Variants in TENM2 observed in about 807,000 individuals in gnomAD.
TENM2 encodes the protein teneurin transmembrane protein 2, also known as teneurin-2.
In TENM2, 52 loss-of-function variants were observed where a neutral mutation model predicts 245.2. The ratio of observed to expected loss-of-function variants is 0.21; its 90% confidence interval spans 0.17 to 0.27. TENM2 has a LOEUF of 0.27. Among genes scored for constraint, TENM2 ranks in the 10% least tolerant of loss-of-function variants. The probability of loss-of-function intolerance (pLI) is 1.00; values close to 1 mark genes in which losing one functional copy is unlikely to be tolerated. For missense variants in TENM2, 3,046 were observed against 3,666.8 expected, an observed-to-expected ratio of 0.83 and a Z score of 4.37; for synonymous variants, 1,363 against 1,438.9, an observed-to-expected ratio of 0.95 and a Z score of 1.19.
intron 2 of TENM2, among the ~76,000 whole-genome samples, chr5:167,505,371 A>G (rs1582231483): frequency 6.6e-6 from 1 of 152,304 alleles, no homozygotes; most frequent in South Asian, 2.1e-4. Flanking sequence ...GAGGCTTCAC[A>G]CAAGAGCAGA....
At chr5:167,149,775 G>A in the TENM2 span, among the ~76,000 whole-genome samples, 1 of 152,112 alleles carries the variant, frequency 6.6e-6, no homozygotes, top group Non-Finnish European at 1.5e-5. Context: ...CCAGACTGCA[G>A]CATCCTCATT....
chr5:167,836,785 C>T lies in TENM2; in HGVS notation c.503-39201C>T, dbSNP rs115199494. On this transcript the variant is annotated intron_variant, in intron 2 of 28. Coordinates refer to ENST00000518659, the Ensembl canonical transcript of TENM2. ...TCAATATATGTGTGTATATACCCAA[C>T]TCAGAAAAAAATGATCATAAAGTGC... Among the ~76,000 whole-genome samples, 541 of 144,790 alleles carry T rather than the reference C, an allele frequency of 3.7e-3. 2 individuals are homozygous for T. The highest frequency in any genetic ancestry group is 0.012 in the African/African-American group (505 of 41,326). 95.0% of individuals were successfully genotyped at this position (144,790 alleles called of 152,430 possible).
At chr5:167,805,579 C>G (rs963345408) in intron 2 of TENM2, among the ~76,000 whole-genome samples, 6 of 152,088 alleles carry the variant, frequency 3.9e-5, no homozygotes, top group Admixed American at 2.6e-4. Flanking sequence ...TGAGGTCAAC[C>G]ATGATGAAAC....
At chr5:167,319,572 C>A (rs1756592145) in intron 1 of TENM2, among the ~76,000 whole-genome samples, 1 of 152,146 alleles carries the variant, frequency 6.6e-6, no homozygotes, top group East Asian at 1.9e-4. Context: ...TTTCGTTTAC[C>A]CTCCTTATTG....
At chr5:168,228,102 A>G (rs777288133) in exon 25 of TENM2, 3 of 1,613,612 alleles carry the variant, frequency 1.9e-6, no homozygotes, top group Non-Finnish European at 1.7e-6. Flanking sequence ...ATTAAAGGCA[A>G]AGTCACCATC....
chr5:168,091,055 T>C (rs1792899042), intron 8 of TENM2, among the ~76,000 whole-genome samples: 1 of 152,168 alleles, frequency 6.6e-6, no homozygotes, highest in South Asian at 2.1e-4. Flanking sequence ...TCACTTGACT[T>C]TGATAAGCCT....
intron 12 of TENM2, among the ~76,000 whole-genome samples, chr5:168,147,937 A>G (rs1164826030): frequency 6.6e-6 from 1 of 152,236 alleles, no homozygotes; most frequent in East Asian, 1.9e-4. Context: ...ACATGTACCA[A>G]GTAAAGACAG....
chr5:167,674,755 G>A (rs1011624835), intron 2 of TENM2, among the ~76,000 whole-genome samples: 2 of 152,040 alleles, frequency 1.3e-5, no homozygotes, highest in East Asian at 1.9e-4. Context: ...GTAACTGTAC[G>A]TGAACTTTTA....
chr5:168,179,154 A>G (rs891569119), intron 13 of TENM2, among the ~76,000 whole-genome samples: 41 of 150,682 alleles, frequency 2.7e-4, no homozygotes, highest in Admixed American at 1.1e-3. Context: ...AAAAAAAAAA[A>G]AAGAAGCTTT....
At chr5:167,076,561 G>A in the TENM2 span, among the ~76,000 whole-genome samples, 1 of 152,144 alleles carries the variant, frequency 6.6e-6, no homozygotes, top group Admixed American at 6.6e-5. Context: ...CTCCCTATCA[G>A]TAGAATACAA....
At chr5:167,329,971 G>A (rs532456983) in intron 1 of TENM2, among the ~76,000 whole-genome samples, 2 of 152,182 alleles carry the variant, frequency 1.3e-5, no homozygotes, top group South Asian at 2.1e-4. Flanking sequence ...AACAAATTAT[G>A]TTACTGTCCT....
At chr5:167,604,423 A>G (rs976768863) in intron 2 of TENM2, among the ~76,000 whole-genome samples, 5 of 152,186 alleles carry the variant, frequency 3.3e-5, no homozygotes, top group African/African-American at 1.2e-4. Context: ...TTATAAATCT[A>G]TGCAGAAGAT....
At chr5:167,487,829 T>C (rs1006317703) in intron 2 of TENM2, among the ~76,000 whole-genome samples, 5 of 152,212 alleles carry the variant, frequency 3.3e-5, no homozygotes, top group African/African-American at 9.6e-5. Flanking sequence ...TTGAGTTCAA[T>C]CTTTTTCTTT....
chr5:167,499,361 AC>A (rs920736793), intron 2 of TENM2, among the ~76,000 whole-genome samples: 3 of 152,168 alleles, frequency 2.0e-5, no homozygotes, highest in Non-Finnish European at 4.4e-5. Context: ...AGGCTATAGC[AC>A]CAGTGCTAAA....
intron 12 of TENM2, among the ~76,000 whole-genome samples, chr5:168,158,402 T>C (rs960103163): frequency 6.6e-6 from 1 of 152,076 alleles, no homozygotes; most frequent in African/African-American, 2.4e-5. Context: ...ACGCCCCGAT[T>C]GTTTTTATTC....
At chr5:167,677,097 T>A (rs1756382341) in intron 2 of TENM2, among the ~76,000 whole-genome samples, 1 of 152,136 alleles carries the variant, frequency 6.6e-6, no homozygotes, top group African/African-American at 2.4e-5. Flanking sequence ...AGGAATGTCA[T>A]CAAGTCTCTT....
chr5:167,032,890 T>TTA, the TENM2 span, among the ~76,000 whole-genome samples: 1 of 152,196 alleles, frequency 6.6e-6, no homozygotes, highest in Non-Finnish European at 1.5e-5. Context: ...TCTTGCCATC[T>TTA]TATATATATA....
chr5:167,769,452 T>C (rs1333903950), intron 2 of TENM2, among the ~76,000 whole-genome samples: 1 of 152,226 alleles, frequency 6.6e-6, no homozygotes, highest in Non-Finnish European at 1.5e-5. Flanking sequence ...TATGTTAACA[T>C]CACAGAAAAC....
At chr5:168,158,723 G>A (rs1757415347) in intron 12 of TENM2, among the ~76,000 whole-genome samples, 1 of 148,894 alleles carries the variant, frequency 6.7e-6, no homozygotes, top group Non-Finnish European at 1.5e-5. Context: ...ACTTTGGGAG[G>A]CCAAGGCAGG....
Sources: allele counts gnomAD v4.1 joint callset (sites outside exome capture counted in the v4.1 genomes callset), GRCh38; gene constraint gnomAD v4.1.1; transcripts MANE v1.5; gene names NCBI Gene and HGNC (gene_info 2026-07-23, HGNC 2026-07-21).